Variants in GORASP1 observed in about 807,000 individuals in gnomAD.
The protein encoded by GORASP1 is golgi reassembly stacking protein 1, also known as Golgi reassembly-stacking protein 1.
In GORASP1, 31 loss-of-function variants were observed where a neutral mutation model predicts 37.7. The observed-to-expected ratio is 0.82, with a 90% CI of 0.62 to 1.11. GORASP1 has a LOEUF of 1.11. GORASP1 is among the 50% of genes least tolerant of loss of function. The probability of loss-of-function intolerance (pLI) is 0.00; values close to 1 mark genes in which losing one functional copy is unlikely to be tolerated. For synonymous variants in GORASP1, 204 were observed against 224.8 expected, an observed-to-expected ratio of 0.91 and a Z score of 0.83; for missense variants, 476 against 560.7, an observed-to-expected ratio of 0.85 and a Z score of 1.53.
chr3:39,107,210 G>A (rs367858742), intron 1 of GORASP1: 14 of 538,536 alleles, frequency 2.6e-5, no homozygotes, highest in Non-Finnish European at 4.6e-5. Flanking sequence ...CCCGGCGGCC[G>A]GACCAGGAAA....
intron 1 of GORASP1, among the ~76,000 whole-genome samples, chr3:39,106,483 C>T (rs1450832875): frequency 6.6e-6 from 1 of 152,202 alleles, no homozygotes; most frequent in African/African-American, 2.4e-5. Flanking sequence ...CAAATCCTGT[C>T]AACTCTGGGT....
chr3:39,107,240 G>A (rs6795278), intron 1 of GORASP1: 16,922 of 538,028 alleles, frequency 0.031, 2,120 homozygotes, highest in African/African-American at 0.28. Flanking sequence ...TTCCGGCACT[G>A]CTGGCACTTG....
At position 39,098,955 on chromosome 3, in the gene GORASP1, C is replaced by A; in HGVS notation, c.917-62G>T. On this transcript the variant is annotated intron_variant, in intron 7 of 8. Coordinates refer to ENST00000319283, the MANE Select transcript of GORASP1 (RefSeq NM_031899.4). This position sits in a 1 kb window ranked among gnomAD's most constrained non-coding sequence, Gnocchi z 4.7. Reference sequence around the variant, plus strand: ...ACCCTGACTGCTGGAAAGCAGCACCCTGGGCTCACCTTGCCTAGGGCATCT... The same window carrying A: ...ACCCTGACTGCTGGAAAGCAGCACCATGGGCTCACCTTGCCTAGGGCATCT... 6.3e-7 allele frequency: 1 copy of A among 1,594,968 alleles called. No homozygotes were observed. The highest frequency in any genetic ancestry group is 8.6e-7 in the Non-Finnish European group (1 of 1,169,398).
Position 39,100,464 on chromosome 3 carries a change from G to A in GORASP1, c.606C>T (p.Ile202=). ...CGIGYGYLHR[I]PTQPPSYHKK... ...TGTGGTAGCTGGGGGGCTGAGTTGG[G>A]ATCCGGTGTAGATACCCATAGCCAA... Residue 202 remains isoleucine, a synonymous_variant, in exon 6 of 9, where the codon ATC becomes ATT. Coordinates refer to ENST00000319283, the MANE Select transcript of GORASP1 (RefSeq NM_031899.4). This position sits in a 1 kb window ranked among gnomAD's most constrained non-coding sequence, Gnocchi z 4.6. 1 of 1,601,678 alleles carries A rather than the reference G, an allele frequency of 6.2e-7. No individual in the cohort carries two copies. Among genetic ancestry groups the A allele is most frequent in the Non-Finnish European group, 8.5e-7 (1 of 1,173,930 alleles).
Position 39,098,936 on chromosome 3 carries a change from A to G in GORASP1, c.917-43T>C. On this transcript the variant is annotated intron_variant, in intron 7 of 8. Transcript: ENST00000319283. This position sits in a 1 kb window ranked among gnomAD's most constrained non-coding sequence, Gnocchi z 4.7. ...AGTTCTTTGCCAGCAAGAAACCCTGACTGCTGGAAAGCAGCACCCTGGGCT... is the reference window on the plus strand; with the variant it reads ...AGTTCTTTGCCAGCAAGAAACCCTGGCTGCTGGAAAGCAGCACCCTGGGCT... The G allele has an allele frequency of 6.2e-7, 1 of 1,609,246 alleles. No individual in the cohort carries two copies. The highest frequency in any genetic ancestry group is 2.2e-5 in the East Asian group (1 of 44,806).
Position 39,098,614 on chromosome 3 carries a change from G to C in GORASP1, c.1070-125C>G. ...TTTGATGGGGGATTGGAGATGGAGTGTACAAATGCCTTGGTGTGGCTGTAT... is the reference window on the plus strand; with the variant it reads ...TTTGATGGGGGATTGGAGATGGAGTCTACAAATGCCTTGGTGTGGCTGTAT... On this transcript the variant is annotated intron_variant, in intron 8 of 8. Coordinates refer to ENST00000319283, the MANE Select transcript of GORASP1 (RefSeq NM_031899.4). The surrounding 1 kb of genome is among the most constrained non-coding windows in gnomAD (Gnocchi z 4.7). 4.7e-6 allele frequency: 7 copies of C among 1,498,580 alleles called. No individual in the cohort carries two copies. Among genetic ancestry groups the C allele is most frequent in the Non-Finnish European group, 6.3e-6 (7 of 1,107,616 alleles). The allele number at this position is 1,498,580 out of a possible 1,614,324, so 92.8% of individuals were successfully genotyped here. A position where few individuals can be genotyped will look rare whatever the true frequency, so the allele number is the denominator to read the frequency against.
chr3:39,106,564 C>T (rs1295091744), intron 1 of GORASP1, among the ~76,000 whole-genome samples: 1 of 152,130 alleles, frequency 6.6e-6, no homozygotes, highest in East Asian at 1.9e-4. Flanking sequence ...GCAACAGACC[C>T]TACCTTCAAA....
chr3:39,101,134 C>T (rs1194241413), intron 3 of GORASP1, 32 bp from the exon 4 acceptor site: 1 of 1,602,110 alleles, frequency 6.2e-7, no homozygotes, highest in East Asian at 2.2e-5. Context: ...ACTGGCCATG[C>T]TACTAGAGGT....
Position 39,100,115 on chromosome 3 carries a change from T to C in GORASP1, c.765+190A>G, listed in dbSNP as rs2035599781. On this transcript the variant is annotated intron_variant, in intron 6 of 8. Coordinates refer to ENST00000319283, the MANE Select transcript of GORASP1 (RefSeq NM_031899.4). This position sits in a 1 kb window ranked among gnomAD's most constrained non-coding sequence, Gnocchi z 4.6. Reference sequence around the variant, plus strand: ...GGTGCTTCACCTCCACCCTCACTTCTAGACCCAAGGGGCAGGAAAGCCAAA... The same window carrying C: ...GGTGCTTCACCTCCACCCTCACTTCCAGACCCAAGGGGCAGGAAAGCCAAA... Among the ~76,000 whole-genome samples the C allele has an allele frequency of 6.6e-6, 1 of 152,228 alleles. No individual in the cohort carries two copies. Among genetic ancestry groups the C allele is most frequent in the South Asian group, 2.1e-4 (1 of 4,836 alleles).
intron 1 of GORASP1, 141 bp downstream of exon 1, chr3:39,107,338 G>A (rs964799888): frequency 2.0e-6 from 1 of 502,928 alleles, no homozygotes. Context: ...CTCCCACCGG[G>A]CAGGGGGCAC....
In GORASP1 at chr3:39,100,492, C is replaced by T. The variant is rs746576942; in HGVS notation, c.578G>A (p.Gly193Asp). 14 of 1,571,984 alleles carry T rather than the reference C, an allele frequency of 8.9e-6. No homozygotes were observed. Among genetic ancestry groups the T allele is most frequent in the South Asian group, 7.2e-5 (6 of 83,554 alleles). ...CCGGTGTAGATACCCATAGCCAATGCCACATCCCAGACTGCCGAAGGCCAG... is the reference window on the plus strand; with the variant it reads ...CCGGTGTAGATACCCATAGCCAATGTCACATCCCAGACTGCCGAAGGCCAG... ...AWGGEGSLGC[G>D]IGYGYLHRIP... is the part of the protein sequence containing the mutation. Residue 193 changes from glycine (G) to aspartate (D), a missense_variant, in exon 6 of 9, where the codon GGC becomes GAC. By Grantham distance (94) the Gly-to-Asp change is moderately conservative (BLOSUM62 -1). Transcript: ENST00000319283. The surrounding 1 kb of genome is among the most constrained non-coding windows in gnomAD (Gnocchi z 4.6).
Position 39,098,611 on chromosome 3 carries a change from A to T in GORASP1, c.1070-122T>A, listed in dbSNP as rs2035489155. On this transcript the variant is annotated intron_variant, in intron 8 of 8. Transcript: ENST00000319283. This position sits in a 1 kb window ranked among gnomAD's most constrained non-coding sequence, Gnocchi z 4.7. ...AGGTTTGATGGGGGATTGGAGATGG[A>T]GTGTACAAATGCCTTGGTGTGGCTG... The T allele has an allele frequency of 6.7e-7, 1 of 1,497,432 alleles. No individual in the cohort carries two copies. Among genetic ancestry groups the T allele is most frequent in the African/African-American group, 1.4e-5 (1 of 72,400 alleles). The allele number at this position is 1,497,432 out of a possible 1,614,324, so 92.8% of individuals were successfully genotyped here. A position where few individuals can be genotyped will look rare whatever the true frequency, so the allele number is the denominator to read the frequency against.
chr3:39,101,156 A>G, intron 3 of GORASP1, 54 bp from the exon 4 acceptor site: 1 of 1,522,844 alleles, frequency 6.6e-7, no homozygotes, highest in Non-Finnish European at 9.1e-7. Context: ...GGGTTGGGGG[A>G]TGGGAAAGGG....
Position 39,100,948 on chromosome 3 carries a change from TG to T in GORASP1, c.435+67del. 11 of 1,613,660 alleles carry T rather than the reference TG, an allele frequency of 6.8e-6. No homozygotes were observed. Among genetic ancestry groups the T allele is most frequent in the Non-Finnish European group, 9.3e-6 (11 of 1,179,556 alleles). ...CCTCAACAAAACCAGACACTTCTCA[TG>T]GACAGCACCCTTCTCTTCACACCAC... is the stretch of plus-strand genomic sequence containing the variant. On this transcript the variant is annotated intron_variant, in intron 4 of 8. Transcript: ENST00000319283. The surrounding 1 kb of genome is among the most constrained non-coding windows in gnomAD (Gnocchi z 4.6).
At chr3:39,099,617 C>G in intron 6 of GORASP1, 114 bp from the exon 7 acceptor site, 1 of 1,123,552 alleles carries the variant, frequency 8.9e-7, no homozygotes, top group Non-Finnish European at 1.3e-6. Context: ...ACTGCTCTGC[C>G]TAAAGGAAGG....
At chr3:39,099,929 TGAAGGCAG>T (rs1421588639) in intron 6 of GORASP1, among the ~76,000 whole-genome samples, 2 of 152,162 alleles carry the variant, frequency 1.3e-5, no homozygotes, top group African/African-American at 4.8e-5. Flanking sequence ...TCATCAGCTG[TGAAGGCAG>T]GGCCAGCACT....
In GORASP1 at chr3:39,100,468, C is replaced by G. The variant is rs751001260; in HGVS notation, c.602G>C (p.Arg201Pro). The change falls in exon 6 of 9, where the codon CGG (arginine) becomes CCG (proline). Residue 201 changes from arginine (R) to proline (P), a missense_variant. Physicochemically the swap from Arg to Pro is moderately radical, Grantham distance 103 (BLOSUM62 -2). Coordinates refer to ENST00000319283, the MANE Select transcript of GORASP1 (RefSeq NM_031899.4). The surrounding 1 kb of genome is among the most constrained non-coding windows in gnomAD (Gnocchi z 4.6). Reference sequence around the variant, plus strand: ...GTAGCTGGGGGGCTGAGTTGGGATCCGGTGTAGATACCCATAGCCAATGCC... The same window carrying G: ...GTAGCTGGGGGGCTGAGTTGGGATCGGGTGTAGATACCCATAGCCAATGCC... ...GCGIGYGYLH[R>P]IPTQPPSYHK... 1 of 1,598,652 alleles carries G rather than the reference C, an allele frequency of 6.3e-7. No individual in the cohort carries two copies. Among genetic ancestry groups the G allele is most frequent in the East Asian group, 2.2e-5 (1 of 44,814 alleles).
At position 39,097,291 on chromosome 3, in the gene GORASP1, C is replaced by T. The variant is rs192289471; in HGVS notation, c.*945G>A. The T allele has an allele frequency of 6.6e-6, 1 of 151,574 alleles. No individual in the cohort carries two copies. Among genetic ancestry groups the T allele is most frequent in the Non-Finnish European group, 1.5e-5 (1 of 68,094 alleles). 9.4% of individuals were successfully genotyped at this position (151,574 alleles called of 1,614,324 possible). A position where few individuals can be genotyped will look rare whatever the true frequency, so the allele number is the denominator to read the frequency against. ...GTCCAGTCAACACAGCAGAGGACTTCAGGTGATGAGGGGCCGTCCCCAGGT... is the reference window on the plus strand; with the variant it reads ...GTCCAGTCAACACAGCAGAGGACTTTAGGTGATGAGGGGCCGTCCCCAGGT... On this transcript the variant is annotated 3_prime_UTR_variant, in exon 9 of 9. Transcript: ENST00000319283.
intron 6 of GORASP1, 31 bp from the exon 7 acceptor site, chr3:39,099,534 A>G (rs2035562789): frequency 1.3e-6 from 2 of 1,598,576 alleles, no homozygotes; most frequent in Non-Finnish European, 8.5e-7. Context: ...GGTAGGGGAC[A>G]ATCAGGACAG....
Sources: allele counts gnomAD v4.1 joint callset (sites outside exome capture counted in the v4.1 genomes callset), GRCh38; gene constraint gnomAD v4.1.1; non-coding constraint Gnocchi (gnomAD v3.1); transcripts MANE v1.5; gene names NCBI Gene and HGNC (gene_info 2026-07-23, HGNC 2026-07-21).